Variants in PTPRT observed in about 807,000 individuals in gnomAD.
PTPRT encodes the protein receptor-type tyrosine-protein phosphatase T.
In PTPRT, 56 loss-of-function variants were observed where a neutral mutation model predicts 176.8. The ratio of observed to expected loss-of-function variants is 0.32; its 90% CI spans 0.26 to 0.40. The LOEUF (loss-of-function observed/expected upper bound fraction) is 0.40. Ranked by LOEUF, PTPRT falls within the 10% of genes least tolerant of loss-of-function variation. The probability of loss-of-function intolerance (pLI) is 1.00; values close to 1 mark genes in which losing one functional copy is unlikely to be tolerated. For synonymous variants in PTPRT, 783 were observed against 739.0 expected (o/e 1.06, Z -0.96); for missense variants, 1,540 against 1,908.2 (o/e 0.81, Z 3.60).
chr20:42,580,089 A>T (rs545508249), intron 7 of PTPRT, among the ~76,000 whole-genome samples: 9 of 152,262 alleles, frequency 5.9e-5, no homozygotes, highest in Middle Eastern at 3.4e-3. Context: ...TATTAGGTGT[A>T]AGGAAGGGAT....
intron 13 of PTPRT, among the ~76,000 whole-genome samples, chr20:42,281,162 A>T (rs539880240): frequency 6.6e-6 from 1 of 151,998 alleles, no homozygotes; most frequent in South Asian, 2.1e-4. Flanking sequence ...TTCCTTCTAC[A>T]TTATCTGTTT....
chr20:42,063,145 A>T, the PTPRT span, among the ~76,000 whole-genome samples: 1 of 152,168 alleles, frequency 6.6e-6, no homozygotes, highest in Non-Finnish European at 1.5e-5. Flanking sequence ...ATTGGCCAAC[A>T]TCTTCCTTTT....
intron 1 of PTPRT, among the ~76,000 whole-genome samples, chr20:43,027,826 T>C (rs1295908682): frequency 1.3e-5 from 2 of 152,162 alleles, no homozygotes; most frequent in Non-Finnish European, 2.9e-5. Flanking sequence ...ACCGACAGCA[T>C]TGAAGTTGCC....
chr20:42,371,835 G>T (rs1394793455), intron 9 of PTPRT, among the ~76,000 whole-genome samples: 2 of 152,178 alleles, frequency 1.3e-5, no homozygotes, highest in East Asian at 3.9e-4. Context: ...CAGGTGAGCT[G>T]CTAAATTGTA....
At position 43,127,049 on chromosome 20, in the gene PTPRT, G is replaced by T. The variant is rs145354949; in HGVS notation, c.88+62597C>A. Among the ~76,000 whole-genome samples the T allele has an allele frequency of 4.5e-3, 691 of 152,244 alleles. 10 individuals carry two copies. The highest frequency in any genetic ancestry group is 0.015 in the African/African-American group (623 of 41,532). On this transcript the variant is annotated intron_variant, in intron 1 of 30. Transcript: ENST00000373187. ...ATAAGGCAAGGGTGAAATATTTGTG[G>T]GGTAGATTTACTTATGATTGTAAGC...
intron 6 of PTPRT, among the ~76,000 whole-genome samples, chr20:42,735,328 A>G (rs1028871219): frequency 3.9e-5 from 6 of 152,102 alleles, no homozygotes; most frequent in African/African-American, 9.7e-5. Context: ...TTGACCCCTG[A>G]GCTGTCCTTA....
At chr20:42,084,867 G>A in intron 28 of PTPRT, 22 bp from the exon 29 acceptor site, 3 of 1,386,296 alleles carry the variant, frequency 2.2e-6, no homozygotes, top group Non-Finnish European at 2.8e-6. Flanking sequence ...GAGGCTGTTA[G>A]GGCTGTTCTG....
chr20:42,285,800 CA>C (rs11481906), intron 12 of PTPRT, among the ~76,000 whole-genome samples: 2 of 151,292 alleles, frequency 1.3e-5, no homozygotes, highest in African/African-American at 4.9e-5. Context: ...AAAACTTTAC[CA>C]AAAAAACACT....
rs758897378 is a variant in PTPRT at position 42,791,483 on chromosome 20, C to T, written c.215-17G>A. 6 of 1,600,386 alleles carry T rather than the reference C, an allele frequency of 3.7e-6. No homozygotes were observed. The Admixed American group carries it at 8.7e-5, about 23-fold the overall frequency. On this transcript the variant is annotated splice_polypyrimidine_tract_variant and intron_variant, in intron 2 of 30. Transcript: ENST00000373187. The stretch of plus-strand genomic sequence containing the variant: ...TGAAAGATCCTGGAGACCCACAAAG[C>T]AGGTGGGAAGTAGAGACAAAGAGAA...
intron 12 of PTPRT, among the ~76,000 whole-genome samples, chr20:42,292,562 C>T (rs140446061): frequency 8.1e-4 from 123 of 152,210 alleles, no homozygotes; most frequent in African/African-American, 2.6e-3. Context: ...CAAGGTTACA[C>T]GTATAATAAG....
At chr20:42,083,487 T>G (rs1276337581) in intron 29 of PTPRT, among the ~76,000 whole-genome samples, 1 of 152,198 alleles carries the variant, frequency 6.6e-6, no homozygotes, top group East Asian at 1.9e-4. Context: ...GAGGTTTGCT[T>G]CCTCTGGAGA....
chr20:42,124,872 T>C (rs1184974380), intron 19 of PTPRT, among the ~76,000 whole-genome samples: 3 of 152,212 alleles, frequency 2.0e-5, no homozygotes, highest in Admixed American at 1.3e-4. Flanking sequence ...CCCTTTTTCC[T>C]TCCATGGTCT....
At chr20:42,856,333 T>C (rs1007504533) in intron 2 of PTPRT, among the ~76,000 whole-genome samples, 2 of 152,032 alleles carry the variant, frequency 1.3e-5, no homozygotes, top group Non-Finnish European at 2.9e-5. Flanking sequence ...CTGCCCCCAC[T>C]GATATAGTGG....
At chr20:42,194,181 C>T (rs1307874321) in intron 16 of PTPRT, among the ~76,000 whole-genome samples, 1 of 152,188 alleles carries the variant, frequency 6.6e-6, no homozygotes, top group Non-Finnish European at 1.5e-5. Context: ...TGATATAATA[C>T]CTCATTTTAT....
intron 6 of PTPRT, among the ~76,000 whole-genome samples, chr20:42,713,142 C>T (rs755319941): frequency 1.1e-4 from 16 of 141,918 alleles, no homozygotes; most frequent in East Asian, 8.2e-4. Flanking sequence ...CACATACACA[C>T]GTACACGCAC....
At chr20:42,363,605 C>G (rs182207843) in intron 9 of PTPRT, among the ~76,000 whole-genome samples, 3 of 151,700 alleles carry the variant, frequency 2.0e-5, no homozygotes, top group African/African-American at 7.3e-5. Flanking sequence ...TCACCGTGCC[C>G]GGCCTATTAC....
intron 9 of PTPRT, among the ~76,000 whole-genome samples, chr20:42,441,244 G>GA (rs1199061065): frequency 2.0e-5 from 3 of 152,198 alleles, no homozygotes; most frequent in Non-Finnish European, 4.4e-5. Context: ...AAACAGAGGG[G>GA]AACCTGTTTT....
chr20:42,155,630 C>T (rs1213587469), intron 17 of PTPRT, among the ~76,000 whole-genome samples: 1 of 152,168 alleles, frequency 6.6e-6, no homozygotes, highest in African/African-American at 2.4e-5. Flanking sequence ...TTTGACTCTT[C>T]AATTCAAGAT....
At chr20:42,230,044 C>T (rs1248878506) in intron 15 of PTPRT, among the ~76,000 whole-genome samples, 1 of 152,096 alleles carries the variant, frequency 6.6e-6, no homozygotes, top group Admixed American at 6.6e-5. Flanking sequence ...TTGCTCCTGC[C>T]CATAACATAA....
Sources: gnomAD v4.1 joint callset for allele counts (sites outside exome capture counted in the v4.1 genomes callset) on GRCh38, gnomAD v4.1.1 for gene constraint, MANE v1.5 for transcripts, NCBI Gene and HGNC (gene_info 2026-07-23, HGNC 2026-07-21) for gene names.